DHRS12: variants seen among roughly 807,000 people sequenced by gnomAD.
DHRS12 encodes the protein dehydrogenase/reductase SDR family member 12.
DHRS12 carries 29 observed loss-of-function variants against 32.1 expected under a neutral mutation model. The ratio of observed to expected loss-of-function variants is 0.90; its 90% CI spans 0.67 to 1.23. DHRS12 has a LOEUF of 1.23. Ranked by LOEUF, DHRS12 falls within the 50% of genes most tolerant of loss-of-function variation. The pLI is 0.00. For missense variants in DHRS12, 330 were observed against 337.2 expected (o/e 0.98, Z 0.17); for synonymous variants, 150 against 135.9 (o/e 1.10, Z -0.72).
the DHRS12 span, chr13:51,761,713 G>A: frequency 6.6e-6 from 1 of 152,216 alleles, no homozygotes; most frequent in South Asian, 2.1e-4. Context: ...CCCTACGTGT[G>A]TTTCCCTGGG....
chr13:51,780,239 T>C (rs745445664), intron 4 of DHRS12, among the ~76,000 whole-genome samples: 2 of 152,138 alleles, frequency 1.3e-5, no homozygotes, highest in African/African-American at 2.4e-5. Flanking sequence ...AGGAGGGGCA[T>C]TGTTATAAAT....
rs747157609 is a variant in DHRS12, at chr13:51,777,101, C to T, written c.322G>A (p.Gly108Ser). 13 of 1,613,960 alleles carry T rather than the reference C, an allele frequency of 8.1e-6. No homozygotes were observed. Among genetic ancestry groups the T allele is most frequent in the South Asian group, 5.5e-5 (5 of 91,092 alleles). The part of the protein sequence containing the change: ...NTLGVYILTT[G>S]LIPVLEKEHD... ...TCTTTCTCCAGCACAGGGATCAGGC[C>T]GGTCGTGAGAATGTACACACCTGAG... Residue 108 changes from glycine to serine, a missense_variant, in exon 5 of 9, where the codon GGC becomes AGC. Transcript: ENST00000444610.
chr13:51,780,380 T>G (rs965109679), intron 4 of DHRS12, among the ~76,000 whole-genome samples: 1 of 151,988 alleles, frequency 6.6e-6, no homozygotes, highest in Non-Finnish European at 1.5e-5. Context: ...AAAAGAGAGA[T>G]ATTTTAGAGT....
chr13:51,799,511 C>A (rs1160155698), intron 2 of DHRS12, 23 bp downstream of exon 2: 3 of 1,611,798 alleles, frequency 1.9e-6, no homozygotes, highest in East Asian at 2.2e-5. Context: ...GCTCAGTGGA[C>A]ACACGTGTTA....
intron 3 of DHRS12, among the ~76,000 whole-genome samples, chr13:51,790,646 T>C (rs1192723200): frequency 1.3e-5 from 2 of 152,160 alleles, no homozygotes; most frequent in African/African-American, 4.8e-5. Context: ...TTCCAGACTC[T>C]GGAACAACGT....
chr13:51,793,057 G>A (rs2735), intron 2 of DHRS12, among the ~76,000 whole-genome samples: 1 of 151,952 alleles, frequency 6.6e-6, no homozygotes, highest in South Asian at 2.1e-4. Context: ...TTGTATCATG[G>A]TTATCACTGG....
the DHRS12 span, among the ~76,000 whole-genome samples, chr13:51,758,875 T>C: frequency 6.6e-6 from 1 of 152,142 alleles, no homozygotes; most frequent in African/African-American, 2.4e-5. Flanking sequence ...TCCGTGACTT[T>C]GAGAGGAAGT....
At chr13:51,774,161 A>G in intron 5 of DHRS12, 127 bp from the exon 6 acceptor site, 1 of 709,472 alleles carries the variant, frequency 1.4e-6, no homozygotes, top group South Asian at 1.7e-5. Context: ...GAAGCAACAC[A>G]TTGTATTCTC....
At position 51,773,238 on chromosome 13, in the gene DHRS12, G is replaced by A. The variant is rs9568663; in HGVS notation, c.468+692C>T. On this transcript the variant is annotated intron_variant, in intron 6 of 8. Coordinates refer to ENST00000444610, the MANE Select transcript of DHRS12 (RefSeq NM_001377533.1). ...TACATAACGAGATATCTTGGGGATA[G>A]AACTCAAATCTAAACACAAAATTCA... Among the ~76,000 whole-genome samples, 172 of 152,266 alleles carry A rather than the reference G, an allele frequency of 1.1e-3. 1 individual carries two copies. The highest frequency in any genetic ancestry group is 7.1e-3 in the East Asian group (37 of 5,190).
intron 1 of DHRS12, among the ~76,000 whole-genome samples, chr13:51,799,909 T>A (rs1013255030): frequency 8.5e-5 from 13 of 152,150 alleles, no homozygotes; most frequent in African/African-American, 2.2e-4. Context: ...CATTTTGGCA[T>A]CCAAATTGTC....
intron 7 of DHRS12, chr13:51,770,717 A>C (rs1953969621): frequency 1.0e-6 from 1 of 986,024 alleles, no homozygotes; most frequent in South Asian, 4.4e-5. Flanking sequence ...CAAAGCACCA[A>C]CACACACCTC....
chr13:51,764,730 G>C (rs890496655), downstream of DHRS12: 1 of 152,232 alleles, frequency 6.6e-6, no homozygotes, highest in Non-Finnish European at 1.5e-5. Context: ...TTAACTGAAG[G>C]TGACTCAGGG....
chr13:51,760,100 T>G, the DHRS12 span: 1 of 230,644 alleles, frequency 4.3e-6, no homozygotes, highest in Non-Finnish European at 8.5e-6. Context: ...TTTTACTTGT[T>G]GCTTTGTCAG....
At chr13:51,798,263 A>C (rs1172542770) in intron 2 of DHRS12, among the ~76,000 whole-genome samples, 1 of 152,174 alleles carries the variant, frequency 6.6e-6, no homozygotes, top group Non-Finnish European at 1.5e-5. Flanking sequence ...GGGAGCTTTT[A>C]AAGATCTAGG....
rs986786988 is a variant in DHRS12, at chr13:51,782,614, G to A, written c.302-5493C>T. Among the ~76,000 whole-genome samples, 3 of 152,166 alleles carry A rather than the reference G, an allele frequency of 2.0e-5. No homozygotes were observed. The highest frequency in any genetic ancestry group is 7.2e-5 in the African/African-American group (3 of 41,430). On this transcript the variant is annotated intron_variant, in intron 4 of 8. Transcript: ENST00000444610. The surrounding 1 kb of genome is among the most constrained non-coding windows in gnomAD (Gnocchi z 4.2). ...CGGGACTCGGGGACCATGAGAGGCT[G>A]GTGGAGGAAGTGCTGTGCAGGCTTT...
At chr13:51,791,659 C>T (rs1372064347) in intron 2 of DHRS12, among the ~76,000 whole-genome samples, 4 of 152,132 alleles carry the variant, frequency 2.6e-5, no homozygotes, top group Non-Finnish European at 1.5e-5. Context: ...AACAAAATTT[C>T]CAGCATGCTG....
At chr13:51,792,727 G>A (rs1040805402) in intron 2 of DHRS12, among the ~76,000 whole-genome samples, 1 of 152,122 alleles carries the variant, frequency 6.6e-6, no homozygotes, top group Non-Finnish European at 1.5e-5. Flanking sequence ...TATCTTCTTT[G>A]GAGAAATGTC....
intron 7 of DHRS12, 75 bp downstream of exon 7, chr13:51,771,746 A>G: frequency 6.5e-7 from 1 of 1,548,664 alleles, no homozygotes; most frequent in Non-Finnish European, 8.9e-7. Context: ...ATTCCTGGGG[A>G]GAGTCAATCC....
intron 1 of DHRS12, 154 bp downstream of exon 1, chr13:51,803,900 C>T (rs1955872606): frequency 1.5e-6 from 1 of 646,144 alleles, no homozygotes; most frequent in African/African-American, 1.9e-5. Flanking sequence ...CCGTGGGTCG[C>T]TAGACGGCGG....
Sources: gnomAD v4.1 joint callset for allele counts (sites outside exome capture counted in the v4.1 genomes callset) on GRCh38, gnomAD v4.1.1 for gene constraint, Gnocchi (gnomAD v3.1) non-coding constraint, MANE v1.5 for transcripts, NCBI Gene and HGNC (gene_info 2026-07-23, HGNC 2026-07-21) for gene names.